LAMA2: variants seen among roughly 807,000 people sequenced by gnomAD.
The protein encoded by LAMA2 is laminin subunit alpha 2.
A neutral mutation model predicts 364.8 loss-of-function variants in LAMA2; 269 were observed. That is an observed-to-expected ratio of 0.74 (90% CI 0.67 to 0.82). The LOEUF (loss-of-function observed/expected upper bound fraction) is 0.82, where lower values mean the gene tolerates loss of function less well. Ranked by LOEUF, LAMA2 falls within the 40% of genes least tolerant of loss-of-function variation. LAMA2 has a pLI of 0.00. For missense variants in LAMA2, 3,807 were observed against 3,873.2 expected, an observed-to-expected ratio of 0.98 and a Z score of 0.45; for synonymous variants, 1,379 against 1,370.6, an observed-to-expected ratio of 1.01 and a Z score of -0.14.
intron 27 of LAMA2, 129 bp downstream of exon 27, chr6:129,316,300 A>G (rs1464013774): frequency 4.0e-6 from 3 of 742,828 alleles, no homozygotes; most frequent in Admixed American, 4.9e-5. Flanking sequence ...AAGATAAACC[A>G]TGGAGGCTTC....
intron 40 of LAMA2, among the ~76,000 whole-genome samples, chr6:129,409,515 T>C (rs1780418415): frequency 1.3e-5 from 2 of 152,146 alleles, no homozygotes; most frequent in African/African-American, 4.8e-5. Flanking sequence ...TCAGAAAGCA[T>C]CCAGTTCATG....
At chr6:129,163,544 G>A (rs1437644916) in intron 8 of LAMA2, among the ~76,000 whole-genome samples, 3 of 152,170 alleles carry the variant, frequency 2.0e-5, no homozygotes, top group Admixed American at 6.5e-5. Context: ...TGAGGCAGGA[G>A]AATAGCTTGA....
chr6:129,139,379 T>C (rs895858797), intron 4 of LAMA2, among the ~76,000 whole-genome samples: 8 of 152,092 alleles, frequency 5.3e-5, no homozygotes, highest in African/African-American at 1.7e-4. Context: ...GTACCGAACA[T>C]GTGCAGACTT....
chr6:129,353,253 C>T lies in LAMA2; in HGVS notation c.4613C>T (p.Pro1538Leu), dbSNP rs1396369400. 1.2e-6 allele frequency: 2 copies of T among 1,614,072 alleles called. No individual in the cohort carries two copies. Among genetic ancestry groups the T allele is most frequent in the Non-Finnish European group, 1.7e-6 (2 of 1,179,984 alleles). Reference sequence around the variant, plus strand: ...GATCCCTATGGCTCACTGCCTGTGCCCTGTGACCCTGTCACAGGATTCTGC... The same window carrying T: ...GATCCCTATGGCTCACTGCCTGTGCTCTGTGACCCTGTCACAGGATTCTGC... ...ECDPYGSLPV[P>L]CDPVTGFCTC... Residue 1538 changes from proline to leucine, a missense_variant, in exon 32 of 65, where the codon CCC becomes CTC. Pro to Leu is a moderately conservative substitution (Grantham distance 98). Around this residue, in one of 3 missense-constraint regions of LAMA2, gnomAD observed 3,333 missense variants for 3,345.7 expected, o/e 1.00. Transcript: ENST00000421865.
intron 29 of LAMA2, among the ~76,000 whole-genome samples, chr6:129,331,459 G>T (rs919345831): frequency 6.6e-6 from 1 of 151,976 alleles, no homozygotes; most frequent in Non-Finnish European, 1.5e-5. Context: ...TCAGAAGAGA[G>T]GTAACAAGCT....
chr6:129,197,165 A>G (rs1781900114), intron 12 of LAMA2, among the ~76,000 whole-genome samples: 1 of 152,208 alleles, frequency 6.6e-6, no homozygotes, highest in Non-Finnish European at 1.5e-5. Flanking sequence ...TTATACCAAA[A>G]TATATTTATT....
At chr6:129,124,969 G>A (rs201001702) in intron 4 of LAMA2, among the ~76,000 whole-genome samples, 1 of 152,292 alleles carries the variant, frequency 6.6e-6, no homozygotes, top group East Asian at 1.9e-4. Context: ...AGCAACTCGG[G>A]ACAAATGATA....
chr6:129,404,028 G>T, intron 40 of LAMA2, 69 bp downstream of exon 40: 1 of 1,555,890 alleles, frequency 6.4e-7, no homozygotes, highest in Non-Finnish European at 8.8e-7. Flanking sequence ...ATGTAAGTCA[G>T]TCTGGAAAAT....
intron 51 of LAMA2, 44 bp from the exon 52 acceptor site, chr6:129,473,170 G>GCTCA (rs1188578383): frequency 6.8e-7 from 1 of 1,464,904 alleles, no homozygotes; most frequent in Non-Finnish European, 9.5e-7. Flanking sequence ...AGATGTGGTT[G>GCTCA]ATATTGCTCA....
At chr6:129,348,965 TTTTTC>T (rs1776711055) in intron 30 of LAMA2, among the ~76,000 whole-genome samples, 1 of 152,146 alleles carries the variant, frequency 6.6e-6, no homozygotes, top group Non-Finnish European at 1.5e-5. Context: ...TCTAGTCAGA[TTTTTC>T]TTTTGATTAG....
intron 9 of LAMA2, among the ~76,000 whole-genome samples, chr6:129,174,187 G>C (rs574048789): frequency 6.6e-6 from 1 of 151,810 alleles, no homozygotes; most frequent in Non-Finnish European, 1.5e-5. Flanking sequence ...CCCAAGATTA[G>C]AAAAATGTAT....
At chr6:128,917,845 C>T (rs1434947848) in intron 1 of LAMA2, among the ~76,000 whole-genome samples, 10 of 151,046 alleles carry the variant, frequency 6.6e-5, no homozygotes, top group African/African-American at 2.2e-4. Context: ...GTGATACTCC[C>T]ACTTCAGCCT....
At chr6:129,019,630 A>T (rs942387177) in intron 1 of LAMA2, among the ~76,000 whole-genome samples, 2 of 152,160 alleles carry the variant, frequency 1.3e-5, no homozygotes, top group African/African-American at 4.8e-5. Context: ...TCAGTTTTTT[A>T]AATAAGCATT....
intron 5 of LAMA2, among the ~76,000 whole-genome samples, chr6:129,145,191 T>C (rs1168982084): frequency 6.6e-6 from 1 of 152,064 alleles, no homozygotes; most frequent in African/African-American, 2.4e-5. Context: ...GCAAAATTGC[T>C]GAATCACTAG....
chr6:128,897,729 A>T (rs1776857117), intron 1 of LAMA2, among the ~76,000 whole-genome samples: 1 of 152,212 alleles, frequency 6.6e-6, no homozygotes, highest in Non-Finnish European at 1.5e-5. Flanking sequence ...TTGTTGATCA[A>T]AGATCTTGTA....
At chr6:129,203,934 A>G (rs1170171202) in intron 12 of LAMA2, among the ~76,000 whole-genome samples, 1 of 152,214 alleles carries the variant, frequency 6.6e-6, no homozygotes, top group Non-Finnish European at 1.5e-5. Flanking sequence ...AAGCTGTCCG[A>G]TAAATGCCAA....
chr6:129,508,116 C>T (rs1786254101), intron 62 of LAMA2, among the ~76,000 whole-genome samples: 1 of 152,200 alleles, frequency 6.6e-6, no homozygotes, highest in African/African-American at 2.4e-5. Flanking sequence ...TCCTGGCTTT[C>T]TCCACTCCGT....
At chr6:128,955,446 T>G (rs1781080132) in intron 1 of LAMA2, among the ~76,000 whole-genome samples, 1 of 151,920 alleles carries the variant, frequency 6.6e-6, no homozygotes, top group Non-Finnish European at 1.5e-5. Flanking sequence ...CCATTGGAAA[T>G]GAATTATACA....
At chr6:129,395,356 T>C (rs990001949) in intron 37 of LAMA2, among the ~76,000 whole-genome samples, 1 of 152,198 alleles carries the variant, frequency 6.6e-6, no homozygotes, top group Non-Finnish European at 1.5e-5. Flanking sequence ...TTTTTAAAAA[T>C]TTTATCAAGC....
Sources: gnomAD v4.1 joint callset for allele counts (sites outside exome capture counted in the v4.1 genomes callset) on GRCh38, gnomAD v4.1.1 for gene constraint, gnomAD v4.1.1 regional missense constraint, MANE v1.5 for transcripts, NCBI Gene and HGNC (gene_info 2026-07-23, HGNC 2026-07-21) for gene names.